TF: variants seen among roughly 807,000 people sequenced by gnomAD.
TF encodes transferrin.
A neutral mutation model predicts 82.4 loss-of-function variants in TF; 55 were observed. The observed-to-expected ratio is 0.67, with a 90% CI of 0.54 to 0.84. TF has a LOEUF of 0.84. Ranked by LOEUF, TF falls within the 40% of genes least tolerant of loss-of-function variation. The pLI is 0.00. For missense variants in TF, 737 were observed against 868.4 expected, an observed-to-expected ratio of 0.85 and a Z score of 1.90; for synonymous variants, 332 against 332.6, an observed-to-expected ratio of 1.00 and a Z score of 0.02.
intron 9 of TF, 40 bp downstream of exon 9, chr3:133,759,369 T>G: frequency 6.2e-7 from 1 of 1,610,304 alleles, no homozygotes; most frequent in Non-Finnish European, 8.5e-7. Context: ...GTCCCTGTCA[T>G]TGCTGCCTGC....
chr3:133,692,064 A>G, the TF span, among the ~76,000 whole-genome samples: 1 of 152,214 alleles, frequency 6.6e-6, no homozygotes, highest in Admixed American at 6.5e-5. Flanking sequence ...TGCTGGCTGT[A>G]GGGTATCTCC....
chr3:133,750,253 G>A (rs553404878), intron 2 of TF, among the ~76,000 whole-genome samples: 45 of 152,268 alleles, frequency 3.0e-4, no homozygotes, highest in Non-Finnish European at 6.2e-4. Context: ...GGGGAACCGG[G>A]CCATCCTAGG....
At chr3:133,675,488 G>A in the TF span, among the ~76,000 whole-genome samples, 1 of 152,306 alleles carries the variant, frequency 6.6e-6, no homozygotes, top group African/African-American at 2.4e-5. Context: ...CACACAGACT[G>A]GGTGGTCTTC....
chr3:133,715,340 C>A, the TF span, among the ~76,000 whole-genome samples: 3 of 152,222 alleles, frequency 2.0e-5, no homozygotes, highest in Non-Finnish European at 4.4e-5. Flanking sequence ...TATCTACCCA[C>A]ATGCCAGCAT....
the TF span, among the ~76,000 whole-genome samples, chr3:133,703,068 C>A: frequency 6.6e-6 from 1 of 152,090 alleles, no homozygotes; most frequent in Non-Finnish European, 1.5e-5. Context: ...AGTATGTTAG[C>A]CTCCATTTAA....
chr3:133,664,287 T>C, the TF span, among the ~76,000 whole-genome samples: 1 of 152,210 alleles, frequency 6.6e-6, no homozygotes, highest in Non-Finnish European at 1.5e-5. Flanking sequence ...GATGCTCAAG[T>C]ACCTTATATA....
chr3:133,671,137 A>G, the TF span, among the ~76,000 whole-genome samples: 44 of 152,368 alleles, frequency 2.9e-4, no homozygotes, highest in African/African-American at 9.6e-4. Flanking sequence ...TTACTACTGT[A>G]ACAAAACTTA....
chr3:133,765,012 A>G (rs41295796), intron 11 of TF, 105 bp downstream of exon 11: 7 of 1,087,732 alleles, frequency 6.4e-6, no homozygotes, highest in Admixed American at 3.5e-5. Context: ...TAAGAGACCA[A>G]TTTTCACAAT....
At chr3:133,755,172 G>A (rs554124527) in intron 4 of TF, among the ~76,000 whole-genome samples, 191 bp from the exon 5 acceptor site, 3 of 152,356 alleles carry the variant, frequency 2.0e-5, no homozygotes, top group Admixed American at 1.3e-4. Flanking sequence ...ATGGATGGTG[G>A]CCAGACAGAG....
the TF span, among the ~76,000 whole-genome samples, chr3:133,737,654 A>ACAAACAAC: frequency 5.2e-4 from 79 of 152,364 alleles, 4 homozygotes; most frequent in South Asian, 0.016. Flanking sequence ...CCACAGAAAT[A>ACAAACAAC]CAAACAACCA....
At position 133,753,597 on chromosome 3, in the gene TF, A is replaced by G; in HGVS notation, c.219A>G (p.Ala73=). The G allele has an allele frequency of 6.2e-7, 1 of 1,614,152 alleles. No homozygotes were observed. The highest frequency in any genetic ancestry group is 1.1e-5 in the South Asian group (1 of 91,084). ...AGGACTGGCCTGTTCTCTTTCAGGC[A>G]AACGAAGCGGATGCTGTGACACTGG... ...SYLDCIRAIA[A]NEADAVTLDA... Residue 73 remains alanine, a splice_region_variant and synonymous_variant, in exon 3 of 17, where the codon GCA becomes GCG. Transcript: ENST00000402696.
At chr3:133,697,493 T>A in the TF span, among the ~76,000 whole-genome samples, 5 of 152,216 alleles carry the variant, frequency 3.3e-5, no homozygotes. Flanking sequence ...ATCCTCACTT[T>A]ATGGAAACGA....
At chr3:133,744,192 A>G (rs1933446707), upstream of TF, among the ~76,000 whole-genome samples, 1 of 152,144 alleles carries the variant, frequency 6.6e-6, no homozygotes, top group Admixed American at 6.5e-5. Flanking sequence ...CTCCCTGCTG[A>G]GGGGCTCTGG....
At chr3:133,684,087 T>C in the TF span, among the ~76,000 whole-genome samples, 1 of 152,190 alleles carries the variant, frequency 6.6e-6, no homozygotes, top group African/African-American at 2.4e-5. Flanking sequence ...CAGAACAACC[T>C]GCTCCTGAAT....
the TF span, among the ~76,000 whole-genome samples, chr3:133,723,956 T>A: frequency 6.6e-6 from 1 of 152,142 alleles, no homozygotes; most frequent in Non-Finnish European, 1.5e-5. Context: ...ATTTCCAATT[T>A]CATCCATGTC....
chr3:133,740,790 T>C, the TF span, among the ~76,000 whole-genome samples: 2 of 152,286 alleles, frequency 1.3e-5, no homozygotes, highest in African/African-American at 4.8e-5. Context: ...AAGATATAGT[T>C]TTCCATTTAC....
chr3:133,749,722 A>T (rs1203583417), intron 2 of TF, among the ~76,000 whole-genome samples: 2 of 152,230 alleles, frequency 1.3e-5, no homozygotes, highest in Non-Finnish European at 2.9e-5. Context: ...GTGGGAGGCC[A>T]GGGTGATGGG....
At chr3:133,729,491 T>G in the TF span, among the ~76,000 whole-genome samples, 1 of 152,044 alleles carries the variant, frequency 6.6e-6, no homozygotes, top group South Asian at 2.1e-4. Flanking sequence ...CCTGGTGCGC[T>G]GTTTTTTAAG....
At chr3:133,675,991 C>G in the TF span, among the ~76,000 whole-genome samples, 7 of 152,010 alleles carry the variant, frequency 4.6e-5, no homozygotes, top group Non-Finnish European at 7.4e-5. Context: ...GGGATTTTTT[C>G]CCCCTGGGGC....
Sources: gnomAD v4.1 joint callset for allele counts (sites outside exome capture counted in the v4.1 genomes callset) on GRCh38, gnomAD v4.1.1 for gene constraint, MANE v1.5 for transcripts, NCBI Gene and HGNC (gene_info 2026-07-23, HGNC 2026-07-21) for gene names.